The following ESRRB variants were observed in gnomAD, a reference collection of about 807,000 sequenced individuals.
ESRRB encodes steroid hormone receptor ERR2.
In ESRRB, 16 loss-of-function variants were observed where a neutral mutation model predicts 46.0. The ratio of observed to expected loss-of-function variants is 0.35; its 90% CI spans 0.24 to 0.53. The LOEUF is 0.53. Ranked by LOEUF, ESRRB falls within the 20% of genes least tolerant of loss-of-function variation. The pLI, the probability that ESRRB is intolerant of heterozygous loss-of-function variation, is 0.93. For missense variants in ESRRB, 488 were observed against 607.4 expected, an observed-to-expected ratio of 0.80 and a Z score of 2.07; for synonymous variants, 246 against 259.6, an observed-to-expected ratio of 0.95 and a Z score of 0.50.
chr14:76,431,641 C>T (rs1183387724), intron 1 of ESRRB, among the ~76,000 whole-genome samples: 1 of 152,124 alleles, frequency 6.6e-6, no homozygotes, highest in Non-Finnish European at 1.5e-5. Context: ...AAATTGAGGC[C>T]AGGGCAGCGC....
chr14:76,412,613 G>A (rs28678445), intron 1 of ESRRB, among the ~76,000 whole-genome samples: 14,253 of 152,176 alleles, frequency 0.094, 800 homozygotes, highest in African/African-American at 0.17. Flanking sequence ...AACAAAGAAG[G>A]TTTTGAAGGG....
intron 3 of ESRRB, among the ~76,000 whole-genome samples, chr14:76,469,629 C>T: frequency 6.6e-6 from 1 of 152,122 alleles, no homozygotes; most frequent in African/African-American, 2.4e-5. Flanking sequence ...CCCACCTTAG[C>T]CCCTCAAAAT....
chr14:76,414,580 C>A (rs141835284), intron 1 of ESRRB, among the ~76,000 whole-genome samples: 68 of 150,906 alleles, frequency 4.5e-4, no homozygotes, highest in African/African-American at 1.5e-3. Flanking sequence ...GTCTCAGATC[C>A]CCACTCCCCC....
rs189044392 is a variant in ESRRB at position 76,319,745 on chromosome 14, G to C, written c.2+8829G>C. ...TTGATTAGTAGAAACATGGTTGGTG[G>C]TGGTGTCTTTCTTCGGCACAATCTT... On this transcript the variant is annotated intron_variant, in intron 1 of 6. Coordinates refer to the ESRRB transcript ENST00000512784. 1.4e-4 allele frequency among the ~76,000 whole-genome samples: 21 copies of C among 152,194 alleles called. 1 individual carries two copies. In the East Asian group the frequency reaches 3.9e-3, roughly 28 times the overall value.
intron 1 of ESRRB, among the ~76,000 whole-genome samples, chr14:76,313,044 C>T (rs2033641830): frequency 6.6e-6 from 1 of 152,120 alleles, no homozygotes; most frequent in Admixed American, 6.5e-5. Flanking sequence ...AATGGTCAGA[C>T]AGAAGAATAT....
intron 2 of ESRRB, among the ~76,000 whole-genome samples, chr14:76,461,276 T>C (rs1159391317): frequency 6.6e-6 from 1 of 152,146 alleles, no homozygotes; most frequent in Non-Finnish European, 1.5e-5. Context: ...GGGAATAGTA[T>C]TAGTACTTAT....
intron 1 of ESRRB, among the ~76,000 whole-genome samples, chr14:76,363,480 A>G (rs1884487522): frequency 6.6e-6 from 1 of 152,210 alleles, no homozygotes; most frequent in African/African-American, 2.4e-5. Flanking sequence ...ATAGAAAGTT[A>G]AAATGGACCC....
intron 1 of ESRRB, chr14:76,310,984 CTCTCT>C (rs1414631438): frequency 5.8e-6 from 1 of 173,684 alleles, no homozygotes; most frequent in East Asian, 1.7e-4. Flanking sequence ...CCCTTTCTCT[CTCTCT>C]CTCTCTCTCT....
intron 1 of ESRRB, among the ~76,000 whole-genome samples, chr14:76,325,606 G>A (rs1025166429): frequency 6.6e-6 from 1 of 152,154 alleles, no homozygotes; most frequent in Non-Finnish European, 1.5e-5. Context: ...AGGGAACAGA[G>A]GTACAAACAG....
chr14:76,352,197 G>A (rs548296067), intron 1 of ESRRB, among the ~76,000 whole-genome samples: 2 of 152,116 alleles, frequency 1.3e-5, no homozygotes, highest in African/African-American at 4.8e-5. Context: ...GACTTTTTTC[G>A]TGTGTAAAAT....
intron 1 of ESRRB, among the ~76,000 whole-genome samples, chr14:76,384,145 C>G (rs1885125346): frequency 6.6e-6 from 1 of 152,056 alleles, no homozygotes; most frequent in South Asian, 2.1e-4. Context: ...ATGCAGAGCG[C>G]AGTATTTATC....
intron 1 of ESRRB, among the ~76,000 whole-genome samples, chr14:76,401,392 T>C (rs1389853563): frequency 6.6e-6 from 1 of 152,212 alleles, no homozygotes; most frequent in African/African-American, 2.4e-5. Context: ...TCTTCGATTC[T>C]GACCTTCAGC....
chr14:76,476,566 A>T (rs113962393), intron 3 of ESRRB, among the ~76,000 whole-genome samples: 100 of 152,362 alleles, frequency 6.6e-4, no homozygotes, highest in African/African-American at 2.3e-3. Flanking sequence ...TAATTTTAAA[A>T]GTAATTGCCC....
intron 3 of ESRRB, among the ~76,000 whole-genome samples, chr14:76,469,926 GTTGTTTTTTTTTTTTTTCT>G (rs1429365267): frequency 7.4e-5 from 5 of 67,648 alleles, no homozygotes; most frequent in African/African-American, 2.5e-4. Context: ...TGTGTTTTTT[GTTGTTTTTTTTTTTTTTCT>G]TTTTTTTTTT....
rs1185693323 is a variant in ESRRB at position 76,482,180 on chromosome 14, C to T, written c.688+54C>T. Reference sequence around the variant, plus strand: ...TTGCCAGCATCTGTACCTGGAACATCAGGCATCCCTTAGGGAAACATCATC... The same window carrying T: ...TTGCCAGCATCTGTACCTGGAACATTAGGCATCCCTTAGGGAAACATCATC... On this transcript the variant is annotated intron_variant, in intron 4 of 6. Transcript: ENST00000644823. This position sits in a 1 kb window ranked among gnomAD's most constrained non-coding sequence, Gnocchi z 4.3. The T allele has an allele frequency of 2.3e-6, 3 of 1,312,850 alleles. No homozygotes were observed. The African/African-American group carries it at 4.3e-5, about 19-fold the overall frequency. 81.3% of individuals were successfully genotyped at this position (1,312,850 alleles called of 1,614,324 possible). A position where few individuals can be genotyped will look rare whatever the true frequency, so the allele number is the denominator to read the frequency against.
intron 1 of ESRRB, among the ~76,000 whole-genome samples, chr14:76,404,130 A>G (rs1886065591): frequency 6.6e-6 from 1 of 152,062 alleles, no homozygotes; most frequent in African/African-American, 2.4e-5. Flanking sequence ...AGGTTGTTGC[A>G]TCCTATTTTT....
chr14:76,367,775 C>G (rs1400493359), upstream of ESRRB, among the ~76,000 whole-genome samples: 1 of 152,062 alleles, frequency 6.6e-6, no homozygotes. Flanking sequence ...GAGCCAACAG[C>G]TTGTGTGTGG....
chr14:76,375,941 C>T (rs11628250), upstream of ESRRB, among the ~76,000 whole-genome samples: 28,869 of 148,032 alleles, frequency 0.2, 3,464 homozygotes, highest in Non-Finnish European at 0.27. Context: ...CTCTAACACC[C>T]AGTACTCCTA....
chr14:76,386,525 C>T (rs564253232), intron 1 of ESRRB, among the ~76,000 whole-genome samples: 3 of 145,912 alleles, frequency 2.1e-5, no homozygotes, highest in South Asian at 2.2e-4. Flanking sequence ...GACACGATCT[C>T]GGCTCACTGT....
Sources: allele counts gnomAD v4.1 joint callset (sites outside exome capture counted in the v4.1 genomes callset), GRCh38; gene constraint gnomAD v4.1.1; non-coding constraint Gnocchi (gnomAD v3.1); transcripts MANE v1.5; gene names NCBI Gene and HGNC (gene_info 2026-07-23, HGNC 2026-07-21).